DACH1: variants seen among roughly 807,000 people sequenced by gnomAD.
The protein encoded by DACH1 is dachshund homolog 1.
Under a neutral mutation model 54.2 loss-of-function variants are expected in DACH1, and 12 were observed. The ratio of observed to expected loss-of-function variants is 0.22; its 90% CI spans 0.14 to 0.36. DACH1 has a LOEUF of 0.36. DACH1 is among the 10% of genes least tolerant of loss of function. The pLI is 1.00. For synonymous variants in DACH1, 386 were observed against 366.2 expected, an observed-to-expected ratio of 1.05 and a Z score of -0.62; for missense variants, 805 against 929.8, an observed-to-expected ratio of 0.87 and a Z score of 1.75.
At chr13:71,771,522 A>C (rs1026396191) in intron 1 of DACH1, among the ~76,000 whole-genome samples, 1 of 151,402 alleles carries the variant, frequency 6.6e-6, no homozygotes, top group Non-Finnish European at 1.5e-5. Flanking sequence ...TTTGAACCAA[A>C]GTAGAACTTA....
At chr13:71,591,713 C>A (rs1212454678) in intron 3 of DACH1, among the ~76,000 whole-genome samples, 1 of 152,036 alleles carries the variant, frequency 6.6e-6, no homozygotes, top group Non-Finnish European at 1.5e-5. Flanking sequence ...ATTTTGGGAA[C>A]CCTCCCTTCC....
chr13:71,591,208 T>C (rs1233302154), intron 3 of DACH1, among the ~76,000 whole-genome samples: 1 of 152,008 alleles, frequency 6.6e-6, no homozygotes, highest in Non-Finnish European at 1.5e-5. Flanking sequence ...TTTCAGACTA[T>C]TTTATTCTCC....
intron 3 of DACH1, among the ~76,000 whole-genome samples, chr13:71,587,044 A>G (rs1257141299): frequency 2.0e-5 from 3 of 152,142 alleles, no homozygotes; most frequent in Non-Finnish European, 4.4e-5. Flanking sequence ...TGCTTTTAAA[A>G]ATTCAAAAAA....
In DACH1 at chr13:71,593,293, T is replaced by C. The variant is rs373946312; in HGVS notation, c.1127-20281A>G. On this transcript the variant is annotated intron_variant, in intron 3 of 10. Coordinates refer to ENST00000613252, the MANE Select transcript of DACH1 (RefSeq NM_080759.6). ...AGATATTAATACTCTCTGAAAATGA[T>C]GTTCCAATTGTCTAGATTCTAGAAA... Among the ~76,000 whole-genome samples, 27 of 152,328 alleles carry C rather than the reference T, an allele frequency of 1.8e-4. No homozygotes were observed. In the East Asian group the frequency reaches 2.3e-3, roughly 13 times the overall value.
At chr13:71,766,707 A>C (rs1408524289) in intron 1 of DACH1, among the ~76,000 whole-genome samples, 1 of 152,168 alleles carries the variant, frequency 6.6e-6, no homozygotes, top group Non-Finnish European at 1.5e-5. Flanking sequence ...TAATGTAAGC[A>C]CTGAAAATTA....
chr13:71,483,816 T>G (rs1878262693), intron 7 of DACH1, among the ~76,000 whole-genome samples: 1 of 152,114 alleles, frequency 6.6e-6, no homozygotes, highest in Non-Finnish European at 1.5e-5. Flanking sequence ...CTTGCTATTG[T>G]GTTACAGTTG....
At chr13:71,507,258 G>A (rs1276390196) in intron 6 of DACH1, among the ~76,000 whole-genome samples, 1 of 151,992 alleles carries the variant, frequency 6.6e-6, no homozygotes, top group African/African-American at 2.4e-5. Flanking sequence ...CATAAATATA[G>A]TATTCTCTGT....
At chr13:71,822,887 A>G (rs1222122009) in intron 1 of DACH1, among the ~76,000 whole-genome samples, 1 of 152,166 alleles carries the variant, frequency 6.6e-6, no homozygotes, top group South Asian at 2.1e-4. Context: ...AATGAAAAAA[A>G]TCATAATCTG....
At chr13:71,449,679 C>A (rs1874838785) in intron 10 of DACH1, among the ~76,000 whole-genome samples, 1 of 152,020 alleles carries the variant, frequency 6.6e-6, no homozygotes, top group South Asian at 2.1e-4. Context: ...TATCCCAGAG[C>A]TTAAAGTAAA....
At chr13:71,676,862 GTATTAGT>G (rs1880606374) in intron 2 of DACH1, among the ~76,000 whole-genome samples, 1 of 151,976 alleles carries the variant, frequency 6.6e-6, no homozygotes, top group Admixed American at 6.6e-5. Flanking sequence ...ACCTGAATAC[GTATTAGT>G]TATATGTCTA....
chr13:71,562,581 T>C (rs184839327), intron 4 of DACH1, among the ~76,000 whole-genome samples: 41 of 152,198 alleles, frequency 2.7e-4, no homozygotes, highest in African/African-American at 9.9e-4. Flanking sequence ...GAAATCTTTA[T>C]CACAGGTAAC....
intron 2 of DACH1, among the ~76,000 whole-genome samples, chr13:71,651,728 G>A (rs967248773): frequency 8.7e-5 from 13 of 149,686 alleles, no homozygotes; most frequent in South Asian, 8.5e-4. Context: ...GTATATGTGT[G>A]TATATATATG....
intron 1 of DACH1, 62 bp downstream of exon 1, chr13:71,865,859 AG>A: frequency 6.9e-7 from 1 of 1,444,118 alleles, no homozygotes; most frequent in Non-Finnish European, 9.1e-7. Flanking sequence ...GAAAGGAGCG[AG>A]GGCAGGCGAG....
At chr13:71,798,297 T>C (rs1241794483) in intron 1 of DACH1, among the ~76,000 whole-genome samples, 4 of 143,652 alleles carry the variant, frequency 2.8e-5, no homozygotes, top group East Asian at 2.0e-4. Context: ...CTATGAAAGA[T>C]GATTTTAAAG....
At chr13:71,601,749 G>C (rs1353826117) in intron 3 of DACH1, among the ~76,000 whole-genome samples, 1 of 151,936 alleles carries the variant, frequency 6.6e-6, no homozygotes, top group Non-Finnish European at 1.5e-5. Flanking sequence ...AGTAAAAGAT[G>C]AGAATAATTA....
chr13:71,600,417 T>C (rs1038969452), intron 3 of DACH1, among the ~76,000 whole-genome samples: 4 of 152,110 alleles, frequency 2.6e-5, no homozygotes, highest in African/African-American at 7.2e-5. Context: ...TATAGGTGGA[T>C]ATATTTAACT....
At chr13:71,829,736 A>C (rs769687270) in intron 1 of DACH1, among the ~76,000 whole-genome samples, 7 of 151,972 alleles carry the variant, frequency 4.6e-5, no homozygotes, top group Non-Finnish European at 1.0e-4. Flanking sequence ...AGTATGGTAC[A>C]TGCTAATGTC....
chr13:71,731,879 T>C (rs903439385), intron 1 of DACH1, among the ~76,000 whole-genome samples: 1 of 152,224 alleles, frequency 6.6e-6, no homozygotes. Flanking sequence ...CCAAGGGTTC[T>C]TCTGAGATCA....
At chr13:71,598,485 C>G (rs1036528984) in intron 3 of DACH1, among the ~76,000 whole-genome samples, 5 of 152,066 alleles carry the variant, frequency 3.3e-5, no homozygotes, top group African/African-American at 1.2e-4. Flanking sequence ...GAACTCCTGA[C>G]CCCATGATCC....
Sources: allele counts gnomAD v4.1 joint callset (sites outside exome capture counted in the v4.1 genomes callset), GRCh38; gene constraint gnomAD v4.1.1; transcripts MANE v1.5; gene names NCBI Gene and HGNC (gene_info 2026-07-23, HGNC 2026-07-21).